SDHB: variants seen among roughly 807,000 people sequenced by gnomAD.
The protein encoded by SDHB is succinate dehydrogenase complex iron sulfur subunit B.
A neutral mutation model predicts 39.7 loss-of-function variants in SDHB; 21 were observed. The observed-to-expected ratio is 0.53, with a 90% CI of 0.37 to 0.76. SDHB has a LOEUF of 0.76. Among genes scored for constraint, SDHB ranks in the 30% least tolerant of loss-of-function variants. The probability of loss-of-function intolerance (pLI) is 0.00; values close to 1 mark genes in which losing one functional copy is unlikely to be tolerated. For synonymous variants in SDHB, 118 were observed against 117.0 expected, an observed-to-expected ratio of 1.01 and a Z score of -0.06; for missense variants, 343 against 350.9, an observed-to-expected ratio of 0.98 and a Z score of 0.18.
chr1:17,028,775 C>G (rs773826316), intron 3 of SDHB, 39 bp from the exon 4 acceptor site: 1 of 1,610,260 alleles, frequency 6.2e-7, no homozygotes, highest in Non-Finnish European at 8.5e-7. Context: ...TCACCCATAT[C>G]CGGAATCAGT....
rs1557740003 is a variant in SDHB at position 17,024,068 on chromosome 1, G to A, written c.547C>T (p.Leu183Phe). The A allele has an allele frequency of 6.2e-7, 1 of 1,612,258 alleles. No individual in the cohort carries two copies. The highest frequency in any genetic ancestry group is 8.5e-7 in the Non-Finnish European group (1 of 1,179,068). The change falls in exon 6 of 8, where the codon CTC (leucine) becomes TTC (phenylalanine). Residue 183 changes from leucine to phenylalanine, a missense_variant. Coordinates refer to ENST00000375499, the MANE Select transcript of SDHB (RefSeq NM_003000.3). ...CAGGCACAGAGAATGCACTCGTAGA[G>A]CCCGTCCTGTATGGGGAGAAAAGAG... Reference protein sequence around the residue: ...SIEEREKLDGLYECILCACCS... With the variant: ...SIEEREKLDGFYECILCACCS...
chr1:17,042,328 T>C (rs552728271), intron 2 of SDHB, among the ~76,000 whole-genome samples: 1 of 152,340 alleles, frequency 6.6e-6, no homozygotes, highest in African/African-American at 2.4e-5. Flanking sequence ...CTCCAATGTC[T>C]GCCCACTCGT....
chr1:17,021,897 G>A (rs991810355), intron 7 of SDHB, among the ~76,000 whole-genome samples: 1 of 152,236 alleles, frequency 6.6e-6, no homozygotes, highest in African/African-American at 2.4e-5. Context: ...AAATTACCCA[G>A]TCTGAAATTC....
At chr1:17,049,289 C>T (rs2078131155) in intron 1 of SDHB, among the ~76,000 whole-genome samples, 4 of 151,998 alleles carry the variant, frequency 2.6e-5, no homozygotes, top group South Asian at 4.1e-4. Context: ...TTGTGTCTGG[C>T]CCTAACTTGG....
At position 17,044,822 on chromosome 1, in the gene SDHB, A is replaced by T; in HGVS notation, c.139T>A (p.Trp47Arg). 2 of 1,614,138 alleles carry T rather than the reference A, an allele frequency of 1.2e-6. No homozygotes were observed. Among genetic ancestry groups the T allele is most frequent in the Non-Finnish European group, 1.7e-6 (2 of 1,180,006 alleles). ...PRIKKFAIYR[W>R]DPDKAGDKPH... The stretch of plus-strand genomic sequence containing the variant: ...TTGTCTCCAGCCTTGTCTGGGTCCC[A>T]TCGATAGATGGCAAATTTCTTGATA... Residue 47 changes from tryptophan (W) to arginine (R), a missense_variant, in exon 2 of 8, where the codon TGG becomes AGG. Trp to Arg is a moderately radical substitution (Grantham distance 101). Transcript: ENST00000375499.
chr1:17,042,966 T>TG (rs2078089732), intron 2 of SDHB, among the ~76,000 whole-genome samples: 1 of 124,846 alleles, frequency 8.0e-6, no homozygotes, highest in Admixed American at 8.3e-5. Flanking sequence ...TTTTTTTTTT[T>TG]TTTTTTTTTT....
At chr1:17,051,743 T>C (rs1186124552) in intron 1 of SDHB, among the ~76,000 whole-genome samples, 1 of 152,160 alleles carries the variant, frequency 6.6e-6, no homozygotes, top group Non-Finnish European at 1.5e-5. Flanking sequence ...AAATTTTTGC[T>C]CTACAAGATT....
intron 7 of SDHB, among the ~76,000 whole-genome samples, chr1:17,021,311 G>A (rs923941797): frequency 6.6e-6 from 1 of 152,226 alleles, no homozygotes. Flanking sequence ...AGTCAGGTGT[G>A]GTGGTGTGTG....
At chr1:17,028,488 G>A (rs2078003622) in intron 4 of SDHB, 112 bp downstream of exon 4, 1 of 1,096,940 alleles carries the variant, frequency 9.1e-7, no homozygotes, top group Non-Finnish European at 1.4e-6. Context: ...CTGACTAGAA[G>A]AGGAGCCTTA....
chr1:17,045,370 T>C (rs2101542214), intron 1 of SDHB, among the ~76,000 whole-genome samples: 1 of 152,078 alleles, frequency 6.6e-6, no homozygotes, highest in Admixed American at 6.6e-5. Flanking sequence ...TCTCAGCACT[T>C]TGGGAGGCAG....
chr1:17,027,208 C>T (rs528774229), intron 5 of SDHB, among the ~76,000 whole-genome samples: 4 of 152,154 alleles, frequency 2.6e-5, no homozygotes, highest in African/African-American at 7.2e-5. Context: ...ATGATGCCTC[C>T]GCTTTAAGAT....
rs876659329 is a variant in SDHB at position 17,044,767 on chromosome 1, A to T, written c.194T>A (p.Leu65His). The part of the protein sequence containing the change: ...KPHMQTYEVD[L>H]NKCGPMVLDA... Reference sequence around the variant, plus strand: ...CTTTCACAGAGATACTCACTTATTAAGGTCAACTTCATAAGTCTGCATATG... The same window carrying T: ...CTTTCACAGAGATACTCACTTATTATGGTCAACTTCATAAGTCTGCATATG... The change falls in exon 2 of 8, where the codon CTT becomes CAT. Residue 65 changes from leucine to histidine, a missense_variant. Coordinates refer to ENST00000375499, the MANE Select transcript of SDHB (RefSeq NM_003000.3). The T allele has an allele frequency of 6.2e-7, 1 of 1,614,146 alleles. No individual in the cohort carries two copies. The highest frequency in any genetic ancestry group is 8.5e-7 in the Non-Finnish European group (1 of 1,180,012).
chr1:17,042,410 G>C (rs1411400158), intron 2 of SDHB, among the ~76,000 whole-genome samples: 2 of 152,078 alleles, frequency 1.3e-5, no homozygotes. Context: ...ATTTGTAGGA[G>C]GGTTAGTCTG....
chr1:17,027,606 T>G lies in SDHB; in HGVS notation c.540+143A>C, dbSNP rs1570947754. 4.1e-6 allele frequency: 3 copies of G among 724,562 alleles called. No homozygotes were observed. The East Asian group carries it at 7.7e-5, about 18-fold the overall frequency. The allele number at this position is 724,562 out of a possible 1,614,324, so 44.9% of individuals were successfully genotyped here. On this transcript the variant is annotated intron_variant, in intron 5 of 7. Coordinates refer to ENST00000375499, the MANE Select transcript of SDHB (RefSeq NM_003000.3). ...CACTACTCACCCGGCCCTAAGAGGATGAGTGCCCCACCCTTGTGCCAGTTC... is the reference window on the plus strand; with the variant it reads ...CACTACTCACCCGGCCCTAAGAGGAGGAGTGCCCCACCCTTGTGCCAGTTC...
chr1:17,020,190 G>A (rs982812244), intron 7 of SDHB, among the ~76,000 whole-genome samples: 9 of 152,108 alleles, frequency 5.9e-5, no homozygotes, highest in African/African-American at 1.4e-4. Context: ...GTGTATTTCC[G>A]GTCCCCACAG....
intron 1 of SDHB, 36 bp from the exon 2 acceptor site, chr1:17,044,924 A>C: frequency 6.3e-7 from 1 of 1,598,224 alleles, no homozygotes; most frequent in Non-Finnish European, 8.6e-7. Flanking sequence ...AGGAAAAAAA[A>C]ATTAGAAATA....
chr1:17,046,209 C>T (rs1365652443), intron 1 of SDHB, among the ~76,000 whole-genome samples: 1 of 152,158 alleles, frequency 6.6e-6, no homozygotes, highest in Non-Finnish European at 1.5e-5. Flanking sequence ...AAAAGGAAAG[C>T]CATTTCTACA....
Position 17,044,904 on chromosome 1 carries a change from GT to G in SDHB, c.73-17del, listed in dbSNP as rs771129307. On this transcript the variant is annotated splice_polypyrimidine_tract_variant and intron_variant, in intron 1 of 7. Transcript: ENST00000375499. Reference sequence around the variant, plus strand: ...CTCGGGAGGCCTGAAATTTTTTAAAGTTCACAAAAAGGAAAAAAAAATTAGA... The same window carrying G: ...CTCGGGAGGCCTGAAATTTTTTAAAGTCACAAAAAGGAAAAAAAAATTAGA... 1.2e-6 allele frequency: 2 copies of G among 1,611,688 alleles called. No individual in the cohort carries two copies. Among genetic ancestry groups the G allele is most frequent in the South Asian group, 2.2e-5 (2 of 91,014 alleles).
At position 17,049,790 on chromosome 1, in the gene SDHB, C is replaced by T. The variant is rs929679436; in HGVS notation, c.72+4158G>A. ...CCTCCCAAGTAGCTGGGATTACAGG[C>T]GCGTGTCACACGCCCGGCTAACTTT... On this transcript the variant is annotated intron_variant, in intron 1 of 7. Coordinates refer to ENST00000375499, the MANE Select transcript of SDHB (RefSeq NM_003000.3). 3.3e-5 allele frequency among the ~76,000 whole-genome samples: 5 copies of T among 150,516 alleles called. No individual in the cohort carries two copies. The East Asian group carries it at 7.8e-4, about 24-fold the overall frequency.
Sources: allele counts gnomAD v4.1 joint callset (sites outside exome capture counted in the v4.1 genomes callset), GRCh38; gene constraint gnomAD v4.1.1; transcripts MANE v1.5; gene names NCBI Gene and HGNC (gene_info 2026-07-23, HGNC 2026-07-21).